TMEM163: variants seen among roughly 807,000 people sequenced by gnomAD.
TMEM163 encodes the protein transmembrane protein 163.
In TMEM163, 17 loss-of-function variants were observed where a neutral mutation model predicts 29.3. The ratio of observed to expected loss-of-function variants is 0.58; its 90% CI spans 0.40 to 0.87. TMEM163 has a LOEUF of 0.87. Among genes scored for constraint, TMEM163 ranks in the 40% least tolerant of loss-of-function variants. The pLI, the probability that TMEM163 is intolerant of heterozygous loss-of-function variation, is 0.00. For synonymous variants in TMEM163, 157 were observed against 160.6 expected (o/e 0.98, Z 0.17); for missense variants, 303 against 381.5 (o/e 0.79, Z 1.71).
chr2:134,471,902 T>A, intron 5 of TMEM163, among the ~76,000 whole-genome samples: 1 of 152,230 alleles, frequency 6.6e-6, no homozygotes, highest in South Asian at 2.1e-4. Flanking sequence ...TCTAAGGCCT[T>A]ATCATCATCT....
chr2:134,466,596 T>A (rs1686673760), intron 5 of TMEM163: 1 of 188,248 alleles, frequency 5.3e-6, no homozygotes, highest in Non-Finnish European at 1.1e-5. Flanking sequence ...CACCAAGCAG[T>A]TGACTGAGAA....
At chr2:134,674,324 C>G (rs930960004) in intron 2 of TMEM163, among the ~76,000 whole-genome samples, 1 of 146,134 alleles carries the variant, frequency 6.8e-6, no homozygotes, top group Non-Finnish European at 1.5e-5. Flanking sequence ...TTGTCAAAAT[C>G]AAAATAGAGT....
intron 5 of TMEM163, chr2:134,468,769 T>C (rs1686726168): frequency 6.6e-6 from 1 of 152,324 alleles, no homozygotes; most frequent in Admixed American, 6.5e-5. Flanking sequence ...CACCCTGAGA[T>C]GCAGCTCAAG....
At chr2:134,663,185 G>A (rs1164818561) in intron 2 of TMEM163, among the ~76,000 whole-genome samples, 1 of 152,218 alleles carries the variant, frequency 6.6e-6, no homozygotes, top group Non-Finnish European at 1.5e-5. Flanking sequence ...GGAGATGATG[G>A]CCAGAGTTCC....
chr2:134,641,004 C>T lies in TMEM163; in HGVS notation c.322+72196G>A, dbSNP rs922384571. Among the ~76,000 whole-genome samples, 15 of 152,068 alleles carry T rather than the reference C, an allele frequency of 9.9e-5. 1 individual carries two copies. Among genetic ancestry groups the T allele is most frequent in the Non-Finnish European group, 4.4e-5 (3 of 67,994 alleles). The stretch of plus-strand genomic sequence containing the variant: ...ATGTGTGTAAACATACTACAAACAG[C>T]AAAAAGAAAGTTTCAAAGCATTCTT... On this transcript the variant is annotated intron_variant, in intron 2 of 7. Transcript: ENST00000281924.
chr2:134,456,999 C>T (rs10179686), intron 7 of TMEM163, among the ~76,000 whole-genome samples: 10,660 of 151,990 alleles, frequency 0.07, 577 homozygotes, highest in East Asian at 0.25. Context: ...CGAGAAGTAC[C>T]CTCCTTCTGG....
intron 4 of TMEM163, among the ~76,000 whole-genome samples, chr2:134,507,125 T>C (rs572072977): frequency 6.6e-6 from 1 of 152,016 alleles, no homozygotes; most frequent in African/African-American, 2.4e-5. Context: ...TCACCTGAGG[T>C]CGGGAGGTCA....
At chr2:134,681,750 G>A (rs1342678358) in intron 2 of TMEM163, among the ~76,000 whole-genome samples, 1 of 152,166 alleles carries the variant, frequency 6.6e-6, no homozygotes, top group African/African-American at 2.4e-5. Context: ...TTCAATCAGG[G>A]TGTGTGGAAT....
rs1680380403 is a variant in TMEM163 at position 134,529,775 on chromosome 2, AT to A, written c.458+20794del. ...GCAAGACCCTACCTCAAAAAAAAAA[AT>A]TGTCCAGTTTTTAAATAATGAGTAC... On this transcript the variant is annotated intron_variant, in intron 4 of 7. Transcript: ENST00000281924. Among the ~76,000 whole-genome samples, 12 of 152,122 alleles carry A rather than the reference AT, an allele frequency of 7.9e-5. No individual in the cohort carries two copies. In the South Asian group the frequency reaches 2.5e-3, roughly 32 times the overall value.
intron 2 of TMEM163, among the ~76,000 whole-genome samples, chr2:134,567,517 C>T: frequency 6.6e-6 from 1 of 152,088 alleles, no homozygotes; most frequent in South Asian, 2.1e-4. Context: ...CATGGTGAAA[C>T]CCCATCTCTA....
At chr2:134,590,831 A>T (rs1681919569) in intron 2 of TMEM163, among the ~76,000 whole-genome samples, 2 of 152,144 alleles carry the variant, frequency 1.3e-5, no homozygotes, top group South Asian at 4.1e-4. Flanking sequence ...GGCAGTTAGG[A>T]TAGGTCCTCA....
chr2:134,523,677 C>T (rs1166419521), intron 4 of TMEM163, among the ~76,000 whole-genome samples: 1 of 152,170 alleles, frequency 6.6e-6, no homozygotes, highest in African/African-American at 2.4e-5. Context: ...TAGGATCAGT[C>T]TAGAGGTAGA....
intron 4 of TMEM163, among the ~76,000 whole-genome samples, chr2:134,546,046 T>A (rs1166711980): frequency 4.6e-5 from 7 of 152,172 alleles, no homozygotes; most frequent in African/African-American, 1.7e-4. Flanking sequence ...ACCTTCTCCA[T>A]ACCTTTATTT....
intron 2 of TMEM163, among the ~76,000 whole-genome samples, chr2:134,701,916 C>CA (rs71301801): frequency 0.1 from 6,671 of 66,194 alleles, 453 homozygotes; most frequent in African/African-American, 0.16. Context: ...AAAACTGTCT[C>CA]AAAAAAAAAA....
chr2:134,488,425 C>A (rs1427298598), intron 5 of TMEM163, among the ~76,000 whole-genome samples: 1 of 152,220 alleles, frequency 6.6e-6, no homozygotes, highest in African/African-American at 2.4e-5. Context: ...TTCTCCCGTG[C>A]TGGGTGCTTC....
At chr2:134,673,220 A>T (rs1482222949) in intron 2 of TMEM163, among the ~76,000 whole-genome samples, 1 of 151,996 alleles carries the variant, frequency 6.6e-6, no homozygotes, top group Non-Finnish European at 1.5e-5. Flanking sequence ...GATCCACAAG[A>T]TATAGTCCCG....
intron 4 of TMEM163, among the ~76,000 whole-genome samples, chr2:134,513,107 G>A (rs1679984888): frequency 6.6e-6 from 1 of 152,232 alleles, no homozygotes; most frequent in African/African-American, 2.4e-5. Flanking sequence ...AGGCACAGCT[G>A]ACAAGTCTTG....
intron 2 of TMEM163, among the ~76,000 whole-genome samples, chr2:134,689,913 G>GGTTTGTTTGTTT (rs71400515): frequency 1.1e-4 from 16 of 151,330 alleles, no homozygotes; most frequent in African/African-American, 3.9e-4. Flanking sequence ...GCTCCTTTGC[G>GGTTTGTTTGTTT]GTTTGTTTGT....
chr2:134,565,147 C>A (rs142638511), intron 2 of TMEM163, among the ~76,000 whole-genome samples: 1 of 151,534 alleles, frequency 6.6e-6, no homozygotes, highest in Admixed American at 6.6e-5. Flanking sequence ...CTGAGGCACA[C>A]GAATCGATTG....
Sources: allele counts gnomAD v4.1 joint callset (sites outside exome capture counted in the v4.1 genomes callset), GRCh38; gene constraint gnomAD v4.1.1; transcripts MANE v1.5; gene names NCBI Gene and HGNC (gene_info 2026-07-23, HGNC 2026-07-21).